KAT6A: variants seen among roughly 807,000 people sequenced by gnomAD.
KAT6A encodes lysine acetyltransferase 6A.
A neutral mutation model predicts 198.4 loss-of-function variants in KAT6A; 9 were observed. The observed-to-expected ratio is 0.05, with a 90% confidence interval of 0.03 to 0.08. The LOEUF (loss-of-function observed/expected upper bound fraction) is 0.08, where lower values mean the gene tolerates loss of function less well. KAT6A is among the 10% of genes least tolerant of loss of function. The pLI, the probability that KAT6A is intolerant of heterozygous loss-of-function variation, is 1.00. For missense variants in KAT6A, 2,077 were observed against 2,509.9 expected (o/e 0.83, Z 3.69); for synonymous variants, 890 against 883.0 (o/e 1.01, Z -0.14).
chr8:41,939,742 G>C (rs981543365), intron 15 of KAT6A, among the ~76,000 whole-genome samples: 2 of 152,188 alleles, frequency 1.3e-5, no homozygotes, highest in African/African-American at 4.8e-5. Context: ...CCACAGCCAA[G>C]AGGAACCTAA....
rs775144691 is a variant in KAT6A at position 41,967,251 on chromosome 8, GTCTT to G, written c.1482+7449_1482+7452del. Reference sequence around the variant, plus strand: ...ACTGGAATGAACTGAATACAAACGCGTCTTTCTTTTTTTAAAAAAAAAAATTTAT... The same window carrying G: ...ACTGGAATGAACTGAATACAAACGCGTCTTTTTTTAAAAAAAAAAATTTAT... On this transcript the variant is annotated intron_variant, in intron 8 of 16. Transcript: ENST00000265713. Among the ~76,000 whole-genome samples the G allele has an allele frequency of 2.5e-3, 271 of 106,438 alleles. 2 individuals are homozygous for G. Among genetic ancestry groups the G allele is most frequent in the Non-Finnish European group, 4.7e-3 (238 of 50,914 alleles). The allele number at this position is 106,438 out of a possible 152,430, so 69.8% of individuals were successfully genotyped here.
rs1821697344 is a variant in KAT6A at position 41,933,863 on chromosome 8, A to T, written c.4357T>A (p.Cys1453Ser). The T allele has an allele frequency of 6.2e-7, 1 of 1,614,182 alleles. No individual in the cohort carries two copies. Among genetic ancestry groups the T allele is most frequent in the Non-Finnish European group, 8.5e-7 (1 of 1,180,032 alleles). The change falls in exon 17 of 17, where the codon TGT (cysteine) becomes AGT (serine). Residue 1453 changes from cysteine to serine, a missense_variant. Cys to Ser is a moderately radical substitution (Grantham distance 112). Transcript: ENST00000265713. The surrounding 1 kb of genome is among the most constrained non-coding windows in gnomAD (Gnocchi z 6.2). ...YQDCEETLAACQTLQSYTQAD... is the reference protein window; with the variant it reads ...YQDCEETLAASQTLQSYTQAD... ...TGGGTGTAACTCTGCAGGGTCTGAC[A>T]CGCCGCAAGAGTTTCCTCACAGTCC...
intron 2 of KAT6A, chr8:42,043,693 C>T (rs547066905): frequency 2.0e-5 from 3 of 152,252 alleles, no homozygotes; most frequent in Admixed American, 2.0e-4. Flanking sequence ...AGGACATTCA[C>T]GATTCTGTAC....
chr8:41,965,807 G>A (rs918260278), intron 8 of KAT6A, among the ~76,000 whole-genome samples: 1 of 152,124 alleles, frequency 6.6e-6, no homozygotes, highest in Non-Finnish European at 1.5e-5. Flanking sequence ...CGGCATGACG[G>A]GATTTTAAGG....
At chr8:42,004,929 T>TAA (rs1438312857) in intron 2 of KAT6A, among the ~76,000 whole-genome samples, 5 of 142,028 alleles carry the variant, frequency 3.5e-5, no homozygotes, top group African/African-American at 5.2e-5. Flanking sequence ...ACTCCGTCTC[T>TAA]AAAAAAAAAA....
chr8:41,970,832 G>A (rs1464081065), intron 8 of KAT6A, among the ~76,000 whole-genome samples: 11 of 152,174 alleles, frequency 7.2e-5, no homozygotes, highest in Admixed American at 7.2e-4. Flanking sequence ...CAAATGTCCA[G>A]AAATGATAGA....
chr8:42,001,555 A>AAAAAAC (rs1346420765), intron 2 of KAT6A, among the ~76,000 whole-genome samples: 3 of 152,212 alleles, frequency 2.0e-5, no homozygotes, highest in African/African-American at 7.2e-5. Context: ...CAGCCCACTA[A>AAAAAAC]AAAAACAAGT....
chr8:41,998,665 ATTAC>A (rs1825343560), intron 2 of KAT6A, among the ~76,000 whole-genome samples: 1 of 152,086 alleles, frequency 6.6e-6, no homozygotes, highest in African/African-American at 2.4e-5. Context: ...TCCATTTATC[ATTAC>A]TTACTCAGAG....
chr8:41,989,231 G>A (rs770150068), intron 2 of KAT6A, among the ~76,000 whole-genome samples: 3 of 152,122 alleles, frequency 2.0e-5, no homozygotes, highest in Admixed American at 6.6e-5. Flanking sequence ...TTATGTAGCC[G>A]GGCACAGTGG....
Position 41,981,172 on chromosome 8 carries a change from G to C in KAT6A, c.826-245C>G, listed in dbSNP as rs1163702483. Among the ~76,000 whole-genome samples, 3 of 152,234 alleles carry C rather than the reference G, an allele frequency of 2.0e-5. No homozygotes were observed. In the East Asian group the frequency reaches 5.8e-4, roughly 29 times the overall value. On this transcript the variant is annotated intron_variant, in intron 4 of 16. Transcript: ENST00000265713. ...GTCCCTACTAAAAATACAAAAATTA[G>C]ACGGGCATGGTGGCATGTGCCTGTA...
chr8:42,046,752 G>A (rs1445397193), intron 2 of KAT6A, among the ~76,000 whole-genome samples: 2 of 151,838 alleles, frequency 1.3e-5, no homozygotes, highest in Non-Finnish European at 2.9e-5. Flanking sequence ...CTTAAATATA[G>A]AATAAAGCAT....
At chr8:41,976,629 A>G (rs1275890132) in intron 7 of KAT6A, among the ~76,000 whole-genome samples, 1 of 152,166 alleles carries the variant, frequency 6.6e-6, no homozygotes, top group African/African-American at 2.4e-5. Flanking sequence ...ACCCAGTTCT[A>G]TTCTTTCCAG....
chr8:41,975,567 A>G (rs1023176382), intron 7 of KAT6A, among the ~76,000 whole-genome samples: 1 of 152,170 alleles, frequency 6.6e-6, no homozygotes, highest in Non-Finnish European at 1.5e-5. Flanking sequence ...ACTTAACACA[A>G]GAAGAAAAAA....
At chr8:41,951,484 G>T (rs895262387) in intron 9 of KAT6A, among the ~76,000 whole-genome samples, 6 of 152,178 alleles carry the variant, frequency 3.9e-5, no homozygotes, top group African/African-American at 1.2e-4. Context: ...TAAAGATTAT[G>T]AATACTCCTA....
At chr8:41,968,705 T>C (rs1823632188) in intron 8 of KAT6A, among the ~76,000 whole-genome samples, 1 of 152,226 alleles carries the variant, frequency 6.6e-6, no homozygotes, top group Non-Finnish European at 1.5e-5. Flanking sequence ...CAGAGTCTTT[T>C]AAGAAAAATA....
chr8:42,040,999 C>A (rs990633253), intron 2 of KAT6A, among the ~76,000 whole-genome samples: 1 of 151,526 alleles, frequency 6.6e-6, no homozygotes, highest in African/African-American at 2.4e-5. Context: ...GTTTGAGATT[C>A]GTCTGGCCAA....
At chr8:41,946,414 T>C (rs1403846245) in intron 12 of KAT6A, among the ~76,000 whole-genome samples, 177 bp downstream of exon 12, 1 of 151,586 alleles carries the variant, frequency 6.6e-6, no homozygotes, top group African/African-American at 2.4e-5. Flanking sequence ...TGGCTTTAGG[T>C]TTTAAAGAAT....
intron 2 of KAT6A, among the ~76,000 whole-genome samples, chr8:42,034,794 G>A (rs1827289919): frequency 6.6e-6 from 1 of 152,178 alleles, no homozygotes; most frequent in South Asian, 2.1e-4. Flanking sequence ...ACAAAGTTCT[G>A]TCAGCCCAGA....
intron 12 of KAT6A, among the ~76,000 whole-genome samples, chr8:41,944,753 T>C (rs781179505): frequency 1.3e-5 from 2 of 152,186 alleles, no homozygotes; most frequent in Admixed American, 6.5e-5. Context: ...AAAAGTAAAA[T>C]ATTTTCCCTA....
Sources: allele counts gnomAD v4.1 joint callset (sites outside exome capture counted in the v4.1 genomes callset), GRCh38; gene constraint gnomAD v4.1.1; non-coding constraint Gnocchi (gnomAD v3.1); transcripts MANE v1.5; gene names NCBI Gene and HGNC (gene_info 2026-07-23, HGNC 2026-07-21).